Variants in INPP5B observed in about 807,000 individuals in gnomAD.
INPP5B encodes type II inositol 1,4,5-trisphosphate 5-phosphatase.
A neutral mutation model predicts 118.5 loss-of-function variants in INPP5B; 90 were observed. The observed-to-expected ratio is 0.76, with a 90% CI of 0.64 to 0.90. The LOEUF (loss-of-function observed/expected upper bound fraction) is 0.90. Among genes scored for constraint, INPP5B ranks in the 40% least tolerant of loss-of-function variants. The pLI is 0.00. For synonymous variants in INPP5B, 385 were observed against 418.9 expected (o/e 0.92, Z 0.99); for missense variants, 984 against 1,125.6 (o/e 0.87, Z 1.80).
At chr1:37,934,247 T>C (rs1645603345) in intron 6 of INPP5B, among the ~76,000 whole-genome samples, 1 of 152,150 alleles carries the variant, frequency 6.6e-6, no homozygotes, top group South Asian at 2.1e-4. Flanking sequence ...TTACTTCAAT[T>C]GATGATTGAT....
At chr1:37,863,485 A>G (rs1641833658) in intron 23 of INPP5B, among the ~76,000 whole-genome samples, 1 of 152,092 alleles carries the variant, frequency 6.6e-6, no homozygotes, top group Non-Finnish European at 1.5e-5. Flanking sequence ...ACTGCACTCC[A>G]GCCTGGCGAC....
chr1:37,866,644 T>C, intron 20 of INPP5B, 101 bp from the exon 21 acceptor site: 1 of 728,298 alleles, frequency 1.4e-6, no homozygotes, highest in East Asian at 2.7e-5. Flanking sequence ...AAAGGAGCAG[T>C]GTGGTGAGGC....
intron 7 of INPP5B, among the ~76,000 whole-genome samples, chr1:37,902,152 A>G (rs1235385683): frequency 6.6e-6 from 1 of 151,758 alleles, no homozygotes; most frequent in African/African-American, 2.4e-5. Context: ...ACGCCCAGCT[A>G]ATTTTTGTAT....
intron 7 of INPP5B, among the ~76,000 whole-genome samples, chr1:37,918,663 C>T (rs933306404): frequency 6.6e-6 from 1 of 152,208 alleles, no homozygotes; most frequent in African/African-American, 2.4e-5. Flanking sequence ...CTGACTCCAT[C>T]CATCACCTCT....
chr1:37,922,671 G>C (rs1298859020), intron 7 of INPP5B, among the ~76,000 whole-genome samples: 1 of 152,136 alleles, frequency 6.6e-6, no homozygotes, highest in Non-Finnish European at 1.5e-5. Flanking sequence ...AGTCCAGCCT[G>C]GGTGACACAG....
rs1328659074 is a variant in INPP5B, at chr1:37,932,009, G to A, written c.436C>T (p.Arg146Trp). ...AGCTCCAGCTCTGCGCACCTATACC[G>A]AGACAGCCACAGGAATTCAGGATCC... ...TRDPEFLWLS[R>W]YRCAELELEM... Residue 146 changes from arginine to tryptophan, a missense_variant, in exon 7 of 24, where the codon CGG (arginine) becomes TGG (tryptophan). Physicochemically the swap from Arg to Trp is moderately radical, Grantham distance 101. Coordinates refer to ENST00000373024, the MANE Select transcript of INPP5B (RefSeq NM_005540.3). 8 of 1,608,722 alleles carry A rather than the reference G, an allele frequency of 5.0e-6. No individual in the cohort carries two copies. Among genetic ancestry groups the A allele is most frequent in the Middle Eastern group, 1.7e-4 (1 of 6,036 alleles).
At chr1:37,931,722 T>G in intron 7 of INPP5B, 191 bp downstream of exon 7, 1 of 1,563,008 alleles carries the variant, frequency 6.4e-7, no homozygotes, top group Non-Finnish European at 8.7e-7. Flanking sequence ...TTTCCCTGCC[T>G]GCTTCCTCAA....
At chr1:37,916,513 T>TAG (rs1644871187) in intron 7 of INPP5B, among the ~76,000 whole-genome samples, 10 of 151,822 alleles carry the variant, frequency 6.6e-5, no homozygotes, top group Admixed American at 3.3e-4. Flanking sequence ...GCCTCCCCGG[T>TAG]TCAAGCGATT....
chr1:37,865,569 C>T (rs139225475), intron 22 of INPP5B, among the ~76,000 whole-genome samples, 192 bp downstream of exon 22: 8 of 152,106 alleles, frequency 5.3e-5, no homozygotes, highest in East Asian at 1.9e-4. Context: ...ACTCAGGTTT[C>T]GGGGTTGACT....
At chr1:37,865,640 G>T in intron 22 of INPP5B, 121 bp downstream of exon 22, 1 of 1,108,668 alleles carries the variant, frequency 9.0e-7, no homozygotes, top group Non-Finnish European at 1.3e-6. Context: ...GAGCAGGTTT[G>T]AGAAGGAAAG....
chr1:37,945,303 C>T (rs1646075158), intron 3 of INPP5B, among the ~76,000 whole-genome samples: 1 of 152,054 alleles, frequency 6.6e-6, no homozygotes, highest in African/African-American at 2.4e-5. Flanking sequence ...TGGTGGCGGG[C>T]ACCTCTGTAA....
chr1:37,880,610 G>C (rs1275810950), intron 14 of INPP5B, among the ~76,000 whole-genome samples: 3 of 151,996 alleles, frequency 2.0e-5, no homozygotes, highest in Non-Finnish European at 4.4e-5. Context: ...GCTAACTTTT[G>C]TATTTTTAGT....
chr1:37,924,113 T>C (rs949349837), intron 7 of INPP5B, among the ~76,000 whole-genome samples: 5 of 151,550 alleles, frequency 3.3e-5, no homozygotes, highest in African/African-American at 9.7e-5. Context: ...CCCCCTAGGA[T>C]AGACCCTGAA....
At chr1:37,880,380 G>C (rs1643121391) in intron 14 of INPP5B, among the ~76,000 whole-genome samples, 186 bp from the exon 15 acceptor site, 1 of 152,010 alleles carries the variant, frequency 6.6e-6, no homozygotes, top group Non-Finnish European at 1.5e-5. Context: ...CCACTCTTTT[G>C]CCTGTATATG....
At chr1:37,876,929 T>C (rs1391714724) in intron 16 of INPP5B, among the ~76,000 whole-genome samples, 5 of 151,408 alleles carry the variant, frequency 3.3e-5, no homozygotes. Context: ...GGCATGCCTG[T>C]AATCCTACCT....
At position 37,865,768 on chromosome 1, in the gene INPP5B, C is replaced by G. The variant is rs1423736544; in HGVS notation, c.2507G>C (p.Ser836Thr). ...CTCAATGCTTCCTCTCACCTGTTTGCTTGCTGTGTAGTTGCCAGAACACTC... is the reference window on the plus strand; with the variant it reads ...CTCAATGCTTCCTCTCACCTGTTTGGTTGCTGTGTAGTTGCCAGAACACTC... ...CLECSGNYTA[S>T]KQVISTLPIF... Residue 836 changes from serine to threonine, a missense_variant, in exon 22 of 24, where the codon AGC becomes ACC. This residue lies in a region of INPP5B where 634 missense variants were observed against 791.0 expected (regional missense o/e 0.80). Transcript: ENST00000373024. 2 of 1,613,144 alleles carry G rather than the reference C, an allele frequency of 1.2e-6. No individual in the cohort carries two copies. Among genetic ancestry groups the G allele is most frequent in the Non-Finnish European group, 8.5e-7 (1 of 1,179,414 alleles).
intron 14 of INPP5B, 57 bp downstream of exon 14, chr1:37,882,749 TC>T (rs2148496306): frequency 7.3e-7 from 1 of 1,371,992 alleles, no homozygotes; most frequent in African/African-American, 1.4e-5. Context: ...GCCAGGCTTT[TC>T]TGTGCCCTCA....
chr1:37,893,154 T>TC (rs1393257732), intron 7 of INPP5B, among the ~76,000 whole-genome samples: 13 of 150,070 alleles, frequency 8.7e-5, no homozygotes, highest in Admixed American at 8.7e-4. Flanking sequence ...TGATCATGGT[T>TC]CACTGTAGCC....
rs1641717374 is a variant in INPP5B at position 37,861,880 on chromosome 1, CA to C, written c.*434del. The C allele has an allele frequency of 6.4e-6, 1 of 155,882 alleles. No homozygotes were observed. 9.7% of individuals were successfully genotyped at this position (155,882 alleles called of 1,614,324 possible). A position where few individuals can be genotyped will look rare whatever the true frequency, so the allele number is the denominator to read the frequency against. ...GTGAAACCCCGTCTCTACTAAAATG[CA>C]AAAAATTAGCTGGGCGTGGCAGTGT... On this transcript the variant is annotated 3_prime_UTR_variant, in exon 24 of 24. Coordinates refer to ENST00000373024, the MANE Select transcript of INPP5B (RefSeq NM_005540.3).
Sources: gnomAD v4.1 joint callset for allele counts (sites outside exome capture counted in the v4.1 genomes callset) on GRCh38, gnomAD v4.1.1 for gene constraint, gnomAD v4.1.1 regional missense constraint, MANE v1.5 for transcripts, NCBI Gene and HGNC (gene_info 2026-07-23, HGNC 2026-07-21) for gene names.